Variants in ITPR3 observed in about 807,000 individuals in gnomAD.
The protein encoded by ITPR3 is inositol 1,4,5-trisphosphate receptor type 3.
ITPR3 carries 173 observed loss-of-function variants against 293.2 expected under a neutral mutation model. That is an observed-to-expected ratio of 0.59 (90% CI 0.52 to 0.67). The LOEUF is 0.67. ITPR3 is among the 30% of genes least tolerant of loss of function. The pLI is 0.00. For synonymous variants in ITPR3, 1,295 were observed against 1,444.4 expected (o/e 0.90, Z 2.35); for missense variants, 2,796 against 3,592.1 (o/e 0.78, Z 5.66).
chr6:33,673,014 G>A (rs1159663123), intron 22 of ITPR3, among the ~76,000 whole-genome samples: 1 of 152,164 alleles, frequency 6.6e-6, no homozygotes, highest in Non-Finnish European at 1.5e-5. Context: ...AGTGGAGGGA[G>A]CTTCTGACTC....
intron 2 of ITPR3, among the ~76,000 whole-genome samples, chr6:33,644,667 T>C (rs1469091205): frequency 3.3e-5 from 5 of 150,212 alleles, no homozygotes; most frequent in African/African-American, 9.7e-5. Context: ...TATAGGTTTT[T>C]TTTTTTTTTT....
In ITPR3 at chr6:33,685,691, T is replaced by G. The variant is rs777423774; in HGVS notation, c.5531T>G (p.Leu1844Arg). 1 of 1,602,816 alleles carries G rather than the reference T, an allele frequency of 6.2e-7. No individual in the cohort carries two copies. Among genetic ancestry groups the G allele is most frequent in the Non-Finnish European group, 8.5e-7 (1 of 1,172,846 alleles). ...SIPGSSSRYSLGPSLRRGHEV... is the reference protein window; with the variant it reads ...SIPGSSSRYSRGPSLRRGHEV... The stretch of plus-strand genomic sequence containing the variant: ...CCTGGCTCCTCATCCCGCTACTCGC[T>G]GGGCCCCAGCCTGCGCCGGGGGCAC... Residue 1844 changes from leucine to arginine, a missense_variant, in exon 41 of 58, where the codon CTG becomes CGG. Coordinates refer to ENST00000605930, the MANE Select transcript of ITPR3 (RefSeq NM_002224.4).
chr6:33,633,675 T>TGGCCCTCCCTTGGCGGCGGC lies in ITPR3; in HGVS notation c.90-6805_90-6786dup, dbSNP rs1175849467. 9.0e-4 allele frequency among the ~76,000 whole-genome samples: 134 copies of TGGCCCTCCCTTGGCGGCGGC among 149,720 alleles called. 1 individual carries two copies. The highest frequency in any genetic ancestry group is 4.0e-3 in the Admixed American group (60 of 15,068). On this transcript the variant is annotated intron_variant, in intron 1 of 57. Coordinates refer to ENST00000605930, the MANE Select transcript of ITPR3 (RefSeq NM_002224.4). This position sits in a 1 kb window ranked among gnomAD's most constrained non-coding sequence, Gnocchi z 5.2. The stretch of plus-strand genomic sequence containing the variant: ...GAGGCAGGCCGGGGCGAGGCCGCGC[T>TGGCCCTCCCTTGGCGGCGGC]GGCCCTCCCTTGGCGGCGGCGGCGC...
intron 2 of ITPR3, among the ~76,000 whole-genome samples, chr6:33,652,684 T>C (rs1226656990): frequency 6.6e-6 from 1 of 152,112 alleles, no homozygotes; most frequent in East Asian, 1.9e-4. Context: ...CAGGCTGGTC[T>C]CGAACTCCTG....
rs185867509 is a variant in ITPR3 at position 33,643,701 on chromosome 6, C to T, written c.160+3147C>T. ...AGGTCTACCTCAGGGAAGCTCAGAG[C>T]CTGCACCCCCAGCCCCAGTGCCCCC... On this transcript the variant is annotated intron_variant, in intron 2 of 57. Coordinates refer to ENST00000605930, the MANE Select transcript of ITPR3 (RefSeq NM_002224.4). 3.4e-3 allele frequency among the ~76,000 whole-genome samples: 524 copies of T among 152,274 alleles called. 3 individuals carry two copies. The highest frequency in any genetic ancestry group is 0.011 in the African/African-American group (468 of 41,564).
At position 33,658,578 on chromosome 6, in the gene ITPR3, G is replaced by A. The variant is rs1217043026; in HGVS notation, c.370-92G>A. 1 of 1,461,484 alleles carries A rather than the reference G, an allele frequency of 6.8e-7. No homozygotes were observed. 90.5% of individuals were successfully genotyped at this position (1,461,484 alleles called of 1,614,324 possible). ...GACACTATGTGTGCAGCCAGAATGT[G>A]ACCAAGGGTCTAGGGGATCCCCCCA... On this transcript the variant is annotated intron_variant, in intron 4 of 57. Coordinates refer to ENST00000605930, the MANE Select transcript of ITPR3 (RefSeq NM_002224.4). This position sits in a 1 kb window ranked among gnomAD's most constrained non-coding sequence, Gnocchi z 6.1.
chr6:33,658,060 C>T lies in ITPR3; in HGVS notation c.369+42C>T. 1.3e-6 allele frequency: 2 copies of T among 1,555,850 alleles called. No individual in the cohort carries two copies. The highest frequency in any genetic ancestry group is 1.8e-6 in the Non-Finnish European group (2 of 1,131,342). ...TCTCTCCCGCCTGCCCCTCTCCCTG[C>T]CTAAGAGGCTGGGCTGGTGCTGGGT... On this transcript the variant is annotated intron_variant, in intron 4 of 57. Coordinates refer to ENST00000605930, the MANE Select transcript of ITPR3 (RefSeq NM_002224.4). This position sits in a 1 kb window ranked among gnomAD's most constrained non-coding sequence, Gnocchi z 6.1.
At position 33,675,639 on chromosome 6, in the gene ITPR3, A is replaced by C; in HGVS notation, c.3117-52A>C. 6.5e-7 allele frequency: 1 copy of C among 1,528,360 alleles called. No homozygotes were observed. The allele number at this position is 1,528,360 out of a possible 1,614,324, so 94.7% of individuals were successfully genotyped here. On this transcript the variant is annotated intron_variant, in intron 24 of 57. Coordinates refer to ENST00000605930, the MANE Select transcript of ITPR3 (RefSeq NM_002224.4). The surrounding 1 kb of genome is among the most constrained non-coding windows in gnomAD (Gnocchi z 5.0). ...CCAGGGCCCCTTACCCACCACGGAC[A>C]GCAGGGAGTGTGCCAGTCTCACCCA...
At chr6:33,685,590 G>T (rs775463042) in intron 40 of ITPR3, 53 bp from the exon 41 acceptor site, 70 of 1,593,088 alleles carry the variant, frequency 4.4e-5, no homozygotes, top group Non-Finnish European at 5.8e-5. Context: ...AAGATGTGCA[G>T]GGGGGTGGCC....
At chr6:33,630,192 C>A (rs1027977213) in intron 1 of ITPR3, among the ~76,000 whole-genome samples, 3 of 152,194 alleles carry the variant, frequency 2.0e-5, no homozygotes, top group African/African-American at 7.2e-5. Context: ...CCCTCATCTC[C>A]TTTTCCACCA....
chr6:33,655,670 G>T lies in ITPR3; in HGVS notation c.161-96G>T. On this transcript the variant is annotated intron_variant, in intron 2 of 57. Coordinates refer to ENST00000605930, the MANE Select transcript of ITPR3 (RefSeq NM_002224.4). The surrounding 1 kb of genome is among the most constrained non-coding windows in gnomAD (Gnocchi z 4.9). ...CAGCGGGGAACGGGGGTGGGGAAGG[G>T]TTGGGAGAGAAGAGCTGCAGGCTGG... 2 of 1,528,360 alleles carry T rather than the reference G, an allele frequency of 1.3e-6. No individual in the cohort carries two copies. Among genetic ancestry groups the T allele is most frequent in the Non-Finnish European group, 1.8e-6 (2 of 1,119,236 alleles). The allele number at this position is 1,528,360 out of a possible 1,614,324, so 94.7% of individuals were successfully genotyped here.
chr6:33,673,143 A>G (rs563660298), intron 22 of ITPR3, among the ~76,000 whole-genome samples: 82 of 152,282 alleles, frequency 5.4e-4, no homozygotes, highest in Admixed American at 1.7e-3. Context: ...TCTGCCCCAC[A>G]GTAGCCTCTC....
chr6:33,677,929 C>T (rs964414625), intron 28 of ITPR3, among the ~76,000 whole-genome samples: 2 of 152,154 alleles, frequency 1.3e-5, no homozygotes, highest in East Asian at 3.8e-4. Context: ...ATAATCTCAG[C>T]TTCATCTCAA....
At chr6:33,627,976 C>T (rs1052886650) in intron 1 of ITPR3, among the ~76,000 whole-genome samples, 36 of 152,206 alleles carry the variant, frequency 2.4e-4, no homozygotes, top group African/African-American at 8.4e-4. Context: ...TGAATCCTGC[C>T]GGCCTGAAAG....
At position 33,627,817 on chromosome 6, in the gene ITPR3, G is replaced by T. The variant is rs555672001; in HGVS notation, c.89+6126G>T. 6.6e-5 allele frequency among the ~76,000 whole-genome samples: 10 copies of T among 152,326 alleles called. No individual in the cohort carries two copies. In the East Asian group the frequency reaches 1.9e-3, roughly 29 times the overall value. ...AGACCAGCCTCTGCCCTCAAGGTTA[G>T]GTACTAGGCACTTCCCAGGCAGTGC... On this transcript the variant is annotated intron_variant, in intron 1 of 57. Coordinates refer to ENST00000605930, the MANE Select transcript of ITPR3 (RefSeq NM_002224.4).
Position 33,685,525 on chromosome 6 carries a change from C to T in ITPR3, c.5474C>T (p.Thr1825Ile), listed in dbSNP as rs1408104837. 1 of 1,613,344 alleles carries T rather than the reference C, an allele frequency of 6.2e-7. No homozygotes were observed. The highest frequency in any genetic ancestry group is 2.2e-5 in the East Asian group (1 of 44,844). Residue 1825 changes from threonine (T) to isoleucine (I), a missense_variant, in exon 40 of 58, where the codon ACC (threonine) becomes ATC (isoleucine). Thr to Ile is a moderately conservative substitution (Grantham distance 89). Coordinates refer to ENST00000605930, the MANE Select transcript of ITPR3 (RefSeq NM_002224.4). ...PHEDREPVDP[T>I]TKGRVASFSI... ...GAGGACCGCGAGCCAGTCGACCCCA[C>T]CACCAAAGGTCAGGGGTCTGAGGCA...
intron 2 of ITPR3, among the ~76,000 whole-genome samples, chr6:33,644,974 A>AT (rs1413012227): frequency 6.6e-6 from 1 of 151,020 alleles, no homozygotes; most frequent in African/African-American, 2.4e-5. Context: ...AAGTTTTTAT[A>AT]TTTTTTAAAC....
chr6:33,688,547 A>G lies in ITPR3; in HGVS notation c.6569-109A>G, dbSNP rs571014734. On this transcript the variant is annotated intron_variant, in intron 48 of 57. Transcript: ENST00000605930. ...CTGCGCCCAACCCCGCCTCACCCCA[A>G]GGAAGGGCTCTTCCATGTGTGGCTT... is the stretch of plus-strand genomic sequence containing the variant. 5.2e-6 allele frequency: 8 copies of G among 1,536,214 alleles called. No homozygotes were observed. In the Admixed American group the frequency reaches 1.1e-4, roughly 22 times the overall value.
At chr6:33,657,609 G>C (rs974135048) in intron 3 of ITPR3, among the ~76,000 whole-genome samples, 5 of 151,968 alleles carry the variant, frequency 3.3e-5, no homozygotes, top group Non-Finnish European at 7.4e-5. Flanking sequence ...TAGGTTCCTG[G>C]GGGGGTAAGG....
Sources: gnomAD v4.1 joint callset for allele counts (sites outside exome capture counted in the v4.1 genomes callset) on GRCh38, gnomAD v4.1.1 for gene constraint, Gnocchi (gnomAD v3.1) non-coding constraint, MANE v1.5 for transcripts, NCBI Gene and HGNC (gene_info 2026-07-23, HGNC 2026-07-21) for gene names.